The following ERC2 variants were observed in gnomAD, a reference collection of about 807,000 sequenced individuals.
ERC2 encodes the protein ERC protein 2.
In ERC2, 42 loss-of-function variants were observed where a neutral mutation model predicts 114.8. The observed-to-expected ratio is 0.37, with a 90% CI of 0.29 to 0.47. ERC2 has a LOEUF of 0.47. Ranked by LOEUF, ERC2 falls within the 20% of genes least tolerant of loss-of-function variation. The probability of loss-of-function intolerance (pLI) is 0.99; values close to 1 mark genes in which losing one functional copy is unlikely to be tolerated. For missense variants in ERC2, 939 were observed against 1,150.7 expected, an observed-to-expected ratio of 0.82 and a Z score of 2.66; for synonymous variants, 454 against 425.5, an observed-to-expected ratio of 1.07 and a Z score of -0.82.
At chr3:56,363,807 G>A (rs894309689) in intron 2 of ERC2, among the ~76,000 whole-genome samples, 16 of 141,686 alleles carry the variant, frequency 1.1e-4, no homozygotes, top group African/African-American at 4.2e-4. Context: ...GGGAAGAAGG[G>A]AGGGAGGGAG....
chr3:55,802,956 T>C (rs1341422181), intron 14 of ERC2, among the ~76,000 whole-genome samples: 1 of 152,254 alleles, frequency 6.6e-6, no homozygotes, highest in African/African-American at 2.4e-5. Context: ...TAGTTAGCTA[T>C]TGACCGTATA....
At chr3:56,295,932 A>C in intron 3 of ERC2, 87 bp downstream of exon 3, 1 of 1,369,044 alleles carries the variant, frequency 7.3e-7, no homozygotes, top group Non-Finnish European at 9.7e-7. Flanking sequence ...TTAAGGATGT[A>C]GATATCTTCC....
At chr3:55,566,090 T>C (rs914161046) in intron 17 of ERC2, among the ~76,000 whole-genome samples, 8 of 152,234 alleles carry the variant, frequency 5.3e-5, no homozygotes, top group Admixed American at 2.0e-4. Context: ...CACTCTATGA[T>C]GGACTCCATT....
At chr3:56,330,448 T>C (rs2057559320) in intron 2 of ERC2, among the ~76,000 whole-genome samples, 1 of 152,174 alleles carries the variant, frequency 6.6e-6, no homozygotes, top group Non-Finnish European at 1.5e-5. Flanking sequence ...TGCTAAACAT[T>C]GGTGGAGCTA....
At chr3:55,800,694 C>A (rs1028106519) in intron 14 of ERC2, among the ~76,000 whole-genome samples, 4 of 152,042 alleles carry the variant, frequency 2.6e-5, no homozygotes, top group Non-Finnish European at 4.4e-5. Context: ...AGATATTGTC[C>A]ATTTGCCCTT....
intron 17 of ERC2, among the ~76,000 whole-genome samples, chr3:55,617,103 G>C (rs1236881197): frequency 2.0e-5 from 3 of 152,186 alleles, no homozygotes; most frequent in Non-Finnish European, 4.4e-5. Context: ...AGATCAGCCT[G>C]GCTGGGGAGA....
chr3:55,511,674 T>G (rs899839097), intron 17 of ERC2, among the ~76,000 whole-genome samples: 1 of 152,234 alleles, frequency 6.6e-6, no homozygotes, highest in Non-Finnish European at 1.5e-5. Flanking sequence ...AAAATTATTT[T>G]TTAACTTGAT....
chr3:56,143,616 G>A (rs1268965276), intron 5 of ERC2, among the ~76,000 whole-genome samples: 3 of 152,154 alleles, frequency 2.0e-5, no homozygotes, highest in Non-Finnish European at 4.4e-5. Context: ...ATGTGGAATT[G>A]TGAGTTCATT....
intron 1 of ERC2, among the ~76,000 whole-genome samples, chr3:56,464,045 A>G (rs1281950510): frequency 2.0e-5 from 3 of 152,218 alleles, no homozygotes; most frequent in Non-Finnish European, 4.4e-5. Context: ...GAAATGCAGA[A>G]GTTAAGGACC....
intron 14 of ERC2, among the ~76,000 whole-genome samples, chr3:55,856,893 T>G (rs1342707733): frequency 6.6e-6 from 1 of 152,198 alleles, no homozygotes; most frequent in Non-Finnish European, 1.5e-5. Flanking sequence ...AACATTATGC[T>G]CTATGAAACA....
intron 14 of ERC2, among the ~76,000 whole-genome samples, chr3:55,843,777 A>C (rs2061235645): frequency 6.6e-6 from 1 of 152,226 alleles, no homozygotes; most frequent in Non-Finnish European, 1.5e-5. Context: ...CTTCCTTTGC[A>C]AAGGCTCCAG....
At chr3:56,196,442 T>C (rs1375600133) in intron 3 of ERC2, among the ~76,000 whole-genome samples, 1 of 151,946 alleles carries the variant, frequency 6.6e-6, no homozygotes, top group Admixed American at 6.6e-5. Context: ...AGTCAAGCAG[T>C]TCCCCTCTAA....
intron 14 of ERC2, among the ~76,000 whole-genome samples, chr3:55,837,472 G>T (rs1356222822): frequency 2.0e-5 from 3 of 151,902 alleles, no homozygotes; most frequent in Non-Finnish European, 4.4e-5. Context: ...GATGAAACTG[G>T]AAATCATCAT....
At position 55,508,573 on chromosome 3, in the gene ERC2, C is replaced by T. The variant is rs2051896659; in HGVS notation, c.*2743G>A. 6.6e-6 allele frequency: 1 copy of T among 152,430 alleles called. No homozygotes were observed. The allele number at this position is 152,430 out of a possible 1,614,324, so 9.4% of individuals were successfully genotyped here. On this transcript the variant is annotated 3_prime_UTR_variant, in exon 18 of 18. Transcript: ENST00000288221. ...ATGCCACTCACTTGAAGAAATATTACAAGAAGCACTATCAAACGAGGGTCT... is the reference window on the plus strand; with the variant it reads ...ATGCCACTCACTTGAAGAAATATTATAAGAAGCACTATCAAACGAGGGTCT...
rs746571665 is a variant in ERC2 at position 56,139,557 on chromosome 3, T to C, written c.1425A>G (p.Lys475=). The C allele has an allele frequency of 1.2e-5, 20 of 1,613,908 alleles. No individual in the cohort carries two copies. The South Asian group carries it at 1.9e-4, about 15-fold the overall frequency. The change falls in exon 6 of 18, where the codon AAA becomes AAG. Residue 475 remains lysine (K), a synonymous_variant. Coordinates refer to ENST00000288221, the MANE Select transcript of ERC2 (RefSeq NM_015576.3). ...SDCKQHIEVL[K]ESLTAKEQRA... Reference sequence around the variant, plus strand: ...TCTGTTCTTTGGCAGTAAGTGACTCTTTGAGCACTTCAATGTGTTGCTTGC... The same window carrying C: ...TCTGTTCTTTGGCAGTAAGTGACTCCTTGAGCACTTCAATGTGTTGCTTGC...
intron 3 of ERC2, among the ~76,000 whole-genome samples, chr3:56,240,184 G>A (rs145524615): frequency 6.6e-5 from 10 of 152,264 alleles, no homozygotes; most frequent in East Asian, 1.9e-4. Flanking sequence ...TAATGGACAC[G>A]AAGAACAATG....
intron 6 of ERC2, among the ~76,000 whole-genome samples, chr3:56,138,045 G>C (rs1451046347): frequency 7.0e-6 from 1 of 142,968 alleles, no homozygotes; most frequent in African/African-American, 2.6e-5. Flanking sequence ...ACTGAAAATG[G>C]TATTTCTTTT....
intron 14 of ERC2, among the ~76,000 whole-genome samples, chr3:55,836,474 G>C (rs2149203503): frequency 6.6e-6 from 1 of 152,260 alleles, no homozygotes. Flanking sequence ...TATGATCTTT[G>C]ACAAACCTGA....
intron 17 of ERC2, among the ~76,000 whole-genome samples, chr3:55,630,128 C>T (rs1249177913): frequency 6.6e-6 from 1 of 152,204 alleles, no homozygotes; most frequent in Admixed American, 6.5e-5. Context: ...TTTGCAGCTA[C>T]TCTCCTAAAG....
Sources: allele counts gnomAD v4.1 joint callset (sites outside exome capture counted in the v4.1 genomes callset), GRCh38; gene constraint gnomAD v4.1.1; transcripts MANE v1.5; gene names NCBI Gene and HGNC (gene_info 2026-07-23, HGNC 2026-07-21).